Variants in LIPA observed in about 807,000 individuals in gnomAD.
The protein encoded by LIPA is lysosomal acid lipase/cholesteryl ester hydrolase.
Under a neutral mutation model 40.6 loss-of-function variants are expected in LIPA, and 26 were observed. That is an observed-to-expected ratio of 0.64 (90% CI 0.47 to 0.89). LIPA has a LOEUF of 0.89. LIPA is among the 40% of genes least tolerant of loss of function. LIPA has a pLI of 0.00. For missense variants in LIPA, 455 were observed against 479.6 expected, an observed-to-expected ratio of 0.95 and a Z score of 0.48; for synonymous variants, 188 against 168.4, an observed-to-expected ratio of 1.12 and a Z score of -0.90.
chr10:89,331,177 CTGT>C (rs1348868975), intron 1 of LIPA, among the ~76,000 whole-genome samples: 1 of 151,946 alleles, frequency 6.6e-6, no homozygotes, highest in African/African-American at 2.4e-5. Context: ...TTTGTTGTTG[CTGT>C]TGTTGTTTTT....
At chr10:89,227,974 A>C (rs746073098) in intron 4 of LIPA, among the ~76,000 whole-genome samples, 1 of 152,242 alleles carries the variant, frequency 6.6e-6, no homozygotes. Flanking sequence ...GAAGTAACTT[A>C]AGAATTCCTA....
At chr10:89,288,697 G>A (rs1843354468) in intron 1 of LIPA, among the ~76,000 whole-genome samples, 1 of 152,146 alleles carries the variant, frequency 6.6e-6, no homozygotes, top group South Asian at 2.1e-4. Context: ...AGCAAAGGCA[G>A]GCTATACTAT....
At chr10:89,344,889 G>A (rs1163581133), upstream of LIPA, among the ~76,000 whole-genome samples, 1 of 152,152 alleles carries the variant, frequency 6.6e-6, no homozygotes, top group Admixed American at 6.5e-5. Flanking sequence ...TATTGTAATT[G>A]AATAGAGAAT....
chr10:89,295,858 C>G lies in LIPA; in HGVS notation c.-2+46753G>C, dbSNP rs533816681. On this transcript the variant is annotated intron_variant, in intron 1 of 5. Coordinates refer to the LIPA transcript ENST00000282673. ...GTTTTCCTTTTCAGTTGCTATTTTG[C>G]AATCACATTGCATGCATAGTCTCAC... Among the ~76,000 whole-genome samples, 3 of 152,306 alleles carry G rather than the reference C, an allele frequency of 2.0e-5. No homozygotes were observed. In the East Asian group the frequency reaches 5.8e-4, roughly 29 times the overall value.
At chr10:89,319,365 A>T (rs531978889) in intron 1 of LIPA, among the ~76,000 whole-genome samples, 3 of 152,370 alleles carry the variant, frequency 2.0e-5, no homozygotes, top group African/African-American at 7.2e-5. Context: ...TGCAATTAAA[A>T]ATGATAAAGG....
At chr10:89,334,902 G>T (rs561833166) in intron 1 of LIPA, among the ~76,000 whole-genome samples, 14 of 152,210 alleles carry the variant, frequency 9.2e-5, no homozygotes, top group African/African-American at 3.1e-4. Context: ...CATATAAGAA[G>T]TATTCAGAGT....
At chr10:89,317,858 C>G (rs984920518) in intron 1 of LIPA, among the ~76,000 whole-genome samples, 3 of 152,324 alleles carry the variant, frequency 2.0e-5, no homozygotes, top group East Asian at 1.9e-4. Flanking sequence ...ATCAGACTAA[C>G]AGCAGATGTC....
At chr10:89,363,024 G>T in intron 2 of LIPA, 1 of 244,112 alleles carries the variant, frequency 4.1e-6, no homozygotes, top group South Asian at 7.9e-5. Context: ...AAAGCACACT[G>T]AAAAAGCTCT....
chr10:89,265,152 A>C (rs1843228505), intron 1 of LIPA, among the ~76,000 whole-genome samples: 1 of 143,212 alleles, frequency 7.0e-6, no homozygotes. Context: ...GGGAGAGGCC[A>C]GGCAGTAGGA....
At chr10:89,403,232 C>T in intron 2 of LIPA, 1 of 1,614,032 alleles carries the variant, frequency 6.2e-7, no homozygotes, top group Non-Finnish European at 8.5e-7. Flanking sequence ...AAAAGCTAGA[C>T]AAAATGATAA....
At chr10:89,269,130 T>A (rs1843252630) in intron 1 of LIPA, among the ~76,000 whole-genome samples, 2 of 151,256 alleles carry the variant, frequency 1.3e-5, no homozygotes, top group African/African-American at 4.9e-5. Context: ...ATCGAGACCA[T>A]CATGGCCAAC....
At chr10:89,289,628 C>T (rs754508643) in intron 1 of LIPA, among the ~76,000 whole-genome samples, 1 of 152,088 alleles carries the variant, frequency 6.6e-6, no homozygotes, top group Non-Finnish European at 1.5e-5. Context: ...AGTCTAATAA[C>T]GAACCGGCCT....
intron 2 of LIPA, chr10:89,383,178 A>G (rs1290947610): frequency 5.6e-6 from 4 of 708,756 alleles, no homozygotes; most frequent in African/African-American, 1.8e-5. Context: ...TAATGACATG[A>G]CTGTAGAACC....
intron 2 of LIPA, among the ~76,000 whole-genome samples, chr10:89,385,528 A>G (rs1844204311): frequency 6.6e-6 from 1 of 152,166 alleles, no homozygotes; most frequent in African/African-American, 2.4e-5. Flanking sequence ...AACAAAGGAG[A>G]CCTAAACAGG....
At chr10:89,286,904 T>C (rs1215876368) in intron 1 of LIPA, among the ~76,000 whole-genome samples, 1 of 152,200 alleles carries the variant, frequency 6.6e-6, no homozygotes, top group Non-Finnish European at 1.5e-5. Flanking sequence ...ACACAAGAAC[T>C]TCAAAATGCC....
At chr10:89,287,547 CCTT>C (rs1564776320) in intron 1 of LIPA, among the ~76,000 whole-genome samples, 1 of 152,110 alleles carries the variant, frequency 6.6e-6, no homozygotes, top group African/African-American at 2.4e-5. Flanking sequence ...CCCAAAGCCT[CCTT>C]CATGTCTTCC....
intron 1 of LIPA, among the ~76,000 whole-genome samples, chr10:89,274,136 C>T (rs1843278669): frequency 6.6e-6 from 1 of 151,926 alleles, no homozygotes; most frequent in Admixed American, 6.6e-5. Context: ...TGCCAGTGGC[C>T]CTTGGACAAA....
intron 3 of LIPA, among the ~76,000 whole-genome samples, chr10:89,243,516 A>C (rs1842987459): frequency 6.6e-6 from 1 of 152,116 alleles, no homozygotes; most frequent in Admixed American, 6.6e-5. Context: ...CTAAAGACCT[A>C]GACTCTCCAC....
Position 89,394,577 on chromosome 10 carries a change from A to AATAT in LIPA, c.61+18210_61+18213dup, listed in dbSNP as rs200060906. On this transcript the variant is annotated intron_variant, in intron 2 of 8. Coordinates refer to the LIPA transcript ENST00000371837. ...TTTATGTCAATATGTACTACAGGAAAATATATATATATATATATATATATA... is the reference window on the plus strand; with the variant it reads ...TTTATGTCAATATGTACTACAGGAAAATATATATATATATATATATATATATATA... 8.1e-3 allele frequency among the ~76,000 whole-genome samples: 871 copies of AATAT among 108,138 alleles called. 4 individuals carry two copies. The highest frequency in any genetic ancestry group is 0.012 in the Non-Finnish European group (668 of 55,252). The allele number at this position is 108,138 out of a possible 152,430, so 70.9% of individuals were successfully genotyped here. A position where few individuals can be genotyped will look rare whatever the true frequency, so the allele number is the denominator to read the frequency against.
Sources: allele counts gnomAD v4.1 joint callset (sites outside exome capture counted in the v4.1 genomes callset), GRCh38; gene constraint gnomAD v4.1.1; transcripts MANE v1.5; gene names NCBI Gene and HGNC (gene_info 2026-07-23, HGNC 2026-07-21).